Variants in RAP1GAP2 observed in about 807,000 individuals in gnomAD.
RAP1GAP2 encodes the protein RAP1 GTPase activating protein 2.
A neutral mutation model predicts 95.0 loss-of-function variants in RAP1GAP2; 27 were observed. The observed-to-expected ratio is 0.28, with a 90% CI of 0.21 to 0.39. The LOEUF is 0.39. Ranked by LOEUF, RAP1GAP2 falls within the 10% of genes least tolerant of loss-of-function variation. The probability of loss-of-function intolerance (pLI) is 1.00; values close to 1 mark genes in which losing one functional copy is unlikely to be tolerated. For synonymous variants in RAP1GAP2, 373 were observed against 380.9 expected (o/e 0.98, Z 0.24); for missense variants, 771 against 970.0 (o/e 0.79, Z 2.72).
intron 4 of RAP1GAP2, among the ~76,000 whole-genome samples, chr17:2,961,829 C>T (rs991093128): frequency 1.3e-5 from 2 of 151,952 alleles, no homozygotes; most frequent in East Asian, 1.9e-4. Flanking sequence ...GCGCTGGCTC[C>T]GACACCAACA....
rs1229668232 is a variant in RAP1GAP2, at chr17:2,965,869, C to T, written c.596+226C>T. The stretch of plus-strand genomic sequence containing the variant: ...CTGACAGTCAGAGGGGCATCCAGGT[C>T]TCAAGGTCACCCAGACTGTACCCCT... On this transcript the variant is annotated intron_variant, in intron 8 of 24. Coordinates refer to ENST00000254695, the MANE Select transcript of RAP1GAP2 (RefSeq NM_015085.5). The surrounding 1 kb of genome is among the most constrained non-coding windows in gnomAD (Gnocchi z 4.7). 5.0e-5 allele frequency: 28 copies of T among 559,180 alleles called. No homozygotes were observed. Among genetic ancestry groups the T allele is most frequent in the Non-Finnish European group, 8.3e-5 (26 of 312,678 alleles). The allele number at this position is 559,180 out of a possible 1,614,324, so 34.6% of individuals were successfully genotyped here. A position where few individuals can be genotyped will look rare whatever the true frequency, so the allele number is the denominator to read the frequency against.
chr17:2,790,545 G>A (rs1042344162), intron 1 of RAP1GAP2, among the ~76,000 whole-genome samples: 1 of 152,192 alleles, frequency 6.6e-6, no homozygotes, highest in Non-Finnish European at 1.5e-5. Flanking sequence ...ACTTAGAGGT[G>A]GATCTGGGAT....
intron 14 of RAP1GAP2, among the ~76,000 whole-genome samples, chr17:2,999,128 C>T (rs2046069096): frequency 6.6e-6 from 1 of 152,144 alleles, no homozygotes; most frequent in Non-Finnish European, 1.5e-5. Flanking sequence ...GCTCGAAATC[C>T]TCACCGGTGC....
intron 2 of RAP1GAP2, among the ~76,000 whole-genome samples, chr17:2,887,203 A>G (rs866546507): frequency 2.6e-5 from 4 of 151,138 alleles, no homozygotes; most frequent in South Asian, 2.1e-4. Context: ...GACTACAGGC[A>G]TGCACCAACA....
At chr17:2,812,519 G>A (rs1348403113) in intron 2 of RAP1GAP2, among the ~76,000 whole-genome samples, 2 of 152,142 alleles carry the variant, frequency 1.3e-5, no homozygotes, top group Non-Finnish European at 2.9e-5. Flanking sequence ...CCTTGATAGT[G>A]CTGACTCTGA....
intron 4 of RAP1GAP2, among the ~76,000 whole-genome samples, chr17:2,958,719 G>C (rs1346679792): frequency 4.6e-5 from 7 of 152,068 alleles, no homozygotes; most frequent in Non-Finnish European, 1.0e-4. Context: ...TTTACCATAA[G>C]TAGGTGCTCC....
At chr17:2,993,995 A>G (rs1336504077) in intron 12 of RAP1GAP2, among the ~76,000 whole-genome samples, 2 of 152,248 alleles carry the variant, frequency 1.3e-5, no homozygotes, top group East Asian at 1.9e-4. Flanking sequence ...GCAGTCAGCC[A>G]TGATTACACC....
intron 19 of RAP1GAP2, among the ~76,000 whole-genome samples, chr17:3,022,681 T>C (rs558566608): frequency 5.9e-5 from 9 of 152,356 alleles, no homozygotes; most frequent in African/African-American, 2.2e-4. Context: ...ATTCTGCAGA[T>C]TGGCTCTTTA....
intron 3 of RAP1GAP2, among the ~76,000 whole-genome samples, chr17:2,926,576 CGGGA>C (rs1388993890): frequency 1.3e-5 from 2 of 152,080 alleles, no homozygotes; most frequent in Non-Finnish European, 2.9e-5. Context: ...TTGAACCTGT[CGGGA>C]GGTTTCTATT....
chr17:2,889,889 A>ATATATTTTT (rs1408426152), intron 2 of RAP1GAP2, among the ~76,000 whole-genome samples: 579 of 57,144 alleles, frequency 0.01, 10 homozygotes, highest in Non-Finnish European at 0.014. Context: ...ATATATATAT[A>ATATATTTTT]TTTTTTTTTT....
intron 2 of RAP1GAP2, chr17:2,853,849 C>A (rs1036910522): frequency 2.2e-6 from 2 of 902,142 alleles, no homozygotes; most frequent in Non-Finnish European, 1.3e-6. Context: ...GTCACCTGAC[C>A]CCCGGGGCGC....
chr17:2,884,884 T>C (rs980836274), intron 2 of RAP1GAP2, among the ~76,000 whole-genome samples: 2 of 152,202 alleles, frequency 1.3e-5, no homozygotes, highest in African/African-American at 4.8e-5. Context: ...AAAGTCTTTC[T>C]GCGAACAGAT....
At chr17:2,924,882 G>C (rs768474729) in intron 3 of RAP1GAP2, among the ~76,000 whole-genome samples, 1 of 152,076 alleles carries the variant, frequency 6.6e-6, no homozygotes, top group Non-Finnish European at 1.5e-5. Flanking sequence ...TCTTTCCTCC[G>C]GGGGGCTAGT....
rs562915356 is a variant in RAP1GAP2, at chr17:2,872,243, T to C, written c.81-33041T>C. On this transcript the variant is annotated intron_variant, in intron 2 of 24. Transcript: ENST00000254695. ...AAAAAAAAAAAAAAAAAGGTGAAGC[T>C]GTCTGTGTAACTGCATCAGCCTAAA... Among the ~76,000 whole-genome samples, 9 of 124,228 alleles carry C rather than the reference T, an allele frequency of 7.2e-5. No homozygotes were observed. In the South Asian group the frequency reaches 2.4e-3, roughly 33 times the overall value. The allele number at this position is 124,228 out of a possible 152,430, so 81.5% of individuals were successfully genotyped here.
At position 2,880,102 on chromosome 17, in the gene RAP1GAP2, G is replaced by T. The variant is rs575677792; in HGVS notation, c.81-25182G>T. On this transcript the variant is annotated intron_variant, in intron 2 of 24. Transcript: ENST00000254695. The stretch of plus-strand genomic sequence containing the variant: ...GGGCTGGGAGCAGGGTGCCGTGGTG[G>T]CAGAGAGCACGGGGACTGATGGATG... Among the ~76,000 whole-genome samples, 3 of 152,314 alleles carry T rather than the reference G, an allele frequency of 2.0e-5. No homozygotes were observed. The South Asian group carries it at 6.2e-4, about 32-fold the overall frequency.
chr17:2,988,068 G>T (rs927996358), intron 11 of RAP1GAP2, among the ~76,000 whole-genome samples: 6 of 152,168 alleles, frequency 3.9e-5, no homozygotes, highest in African/African-American at 1.2e-4. Flanking sequence ...AAATTAGCCA[G>T]GAGTGGTGGT....
chr17:2,828,088 C>G (rs1271868944), intron 2 of RAP1GAP2, among the ~76,000 whole-genome samples: 1 of 152,186 alleles, frequency 6.6e-6, no homozygotes, highest in African/African-American at 2.4e-5. Context: ...CGCCTGTCAT[C>G]CCAACACTTT....
chr17:2,998,853 A>T (rs1236828971), intron 14 of RAP1GAP2, among the ~76,000 whole-genome samples: 5 of 152,170 alleles, frequency 3.3e-5, no homozygotes, highest in South Asian at 4.1e-4. Context: ...CATTTGCTCG[A>T]GTAAGGCAGA....
chr17:2,808,059 G>T (rs942368994), intron 2 of RAP1GAP2, among the ~76,000 whole-genome samples: 1 of 152,190 alleles, frequency 6.6e-6, no homozygotes. Context: ...TGAGATGGAG[G>T]CCTGTTAACA....
Sources: gnomAD v4.1 joint callset for allele counts (sites outside exome capture counted in the v4.1 genomes callset) on GRCh38, gnomAD v4.1.1 for gene constraint, Gnocchi (gnomAD v3.1) non-coding constraint, MANE v1.5 for transcripts, NCBI Gene and HGNC (gene_info 2026-07-23, HGNC 2026-07-21) for gene names.